SRGAP2C: variants seen among roughly 807,000 people sequenced by gnomAD.
The protein encoded by SRGAP2C is SLIT-ROBO Rho GTPase activating protein 2C.
In SRGAP2C, 15 loss-of-function variants were observed where a neutral mutation model predicts 25.1. The observed-to-expected ratio is 0.60, with a 90% CI of 0.40 to 0.92. The LOEUF is 0.92. SRGAP2C is among the 40% of genes least tolerant of loss of function. The pLI is 0.00. For missense variants in SRGAP2C, 144 were observed against 264.4 expected, an observed-to-expected ratio of 0.54 and a Z score of 3.16; for synonymous variants, 44 against 96.6, an observed-to-expected ratio of 0.46 and a Z score of 3.19.
chr1:121,217,824 A>G (rs1274675984), intron 2 of SRGAP2C, among the ~76,000 whole-genome samples: 2 of 152,298 alleles, frequency 1.3e-5, no homozygotes, highest in African/African-American at 4.8e-5. Context: ...TAGACTGACT[A>G]TAAAGGGGTC....
chr1:121,202,495 C>T (rs1465217753), intron 2 of SRGAP2C, among the ~76,000 whole-genome samples: 2 of 143,930 alleles, frequency 1.4e-5, no homozygotes, highest in East Asian at 4.0e-4. Context: ...GTGATGTTAT[C>T]TTGGCTCACT....
At chr1:121,287,543 T>C (rs1657397294) in intron 3 of SRGAP2C, among the ~76,000 whole-genome samples, 1 of 151,510 alleles carries the variant, frequency 6.6e-6, no homozygotes, top group East Asian at 1.9e-4. Context: ...ATCCTAAATT[T>C]AAAATAGCAT....
At chr1:121,320,824 A>G (rs1307052929) in intron 3 of SRGAP2C, among the ~76,000 whole-genome samples, 3 of 152,006 alleles carry the variant, frequency 2.0e-5, no homozygotes, top group Non-Finnish European at 2.9e-5. Flanking sequence ...CCCAACATGT[A>G]TAATAGGCAT....
intron 4 of SRGAP2C, among the ~76,000 whole-genome samples, 198 bp downstream of exon 4, chr1:121,324,838 TAAAAG>T (rs1410465754): frequency 6.6e-6 from 1 of 150,570 alleles, no homozygotes; most frequent in Non-Finnish European, 1.5e-5. Context: ...AAAGAAAAAA[TAAAAG>T]AAAGAATATC....
chr1:121,287,972 C>G (rs1476112609), intron 3 of SRGAP2C, among the ~76,000 whole-genome samples: 2 of 150,270 alleles, frequency 1.3e-5, no homozygotes, highest in Non-Finnish European at 3.0e-5. Flanking sequence ...AGCATGGACC[C>G]AAAAAGTGAG....
At chr1:121,206,316 T>C (rs1478326000) in intron 2 of SRGAP2C, among the ~76,000 whole-genome samples, 1 of 152,012 alleles carries the variant, frequency 6.6e-6, no homozygotes, top group Non-Finnish European at 1.5e-5. Flanking sequence ...TGTTTGCATG[T>C]GGTAGGCACC....
At chr1:121,211,400 GAT>G (rs1158479752) in intron 2 of SRGAP2C, among the ~76,000 whole-genome samples, 1 of 130,438 alleles carries the variant, frequency 7.7e-6, no homozygotes, top group African/African-American at 2.8e-5. Flanking sequence ...TTGAGAGAGA[GAT>G]ATATATATAC....
At chr1:121,211,416 TACACACACACAC>T (rs200891136) in intron 2 of SRGAP2C, among the ~76,000 whole-genome samples, 964 of 128,998 alleles carry the variant, frequency 7.5e-3, no homozygotes, top group African/African-American at 0.025. Flanking sequence ...TATATACACA[TACACACACACAC>T]ACACACACAC....
At chr1:121,185,674 C>CT in intron 1 of SRGAP2C, 1 of 214,294 alleles carries the variant, frequency 4.7e-6, no homozygotes, top group Non-Finnish European at 8.1e-6. Context: ...TCCTGACATC[C>CT]TTGCGCTTCA....
intron 4 of SRGAP2C, among the ~76,000 whole-genome samples, chr1:121,354,302 CTT>C (rs1404773761): frequency 1.6e-5 from 1 of 61,888 alleles, no homozygotes; most frequent in African/African-American, 7.7e-5. Context: ...TTCTTTCTTT[CTT>C]TCTTTCTTTC....
At chr1:121,303,418 T>C (rs1657743511) in intron 3 of SRGAP2C, among the ~76,000 whole-genome samples, 1 of 151,782 alleles carries the variant, frequency 6.6e-6, no homozygotes. Flanking sequence ...CTGTGTCTTA[T>C]TGATATGTCC....
intron 2 of SRGAP2C, among the ~76,000 whole-genome samples, chr1:121,230,745 T>A (rs587679301): frequency 6.6e-6 from 1 of 151,576 alleles, no homozygotes; most frequent in African/African-American, 2.4e-5. Flanking sequence ...CATATGTTTA[T>A]TGCAGCACTA....
intron 2 of SRGAP2C, among the ~76,000 whole-genome samples, chr1:121,239,250 ATATATATATATATATAC>A (rs1656058622): frequency 5.0e-4 from 1 of 1,982 alleles, no homozygotes; most frequent in Non-Finnish European, 6.9e-4. Flanking sequence ...TATATACTAT[ATATATATATATATATAC>A]TATATATATA....
At chr1:121,309,299 T>A (rs2101594078) in intron 3 of SRGAP2C, among the ~76,000 whole-genome samples, 1 of 129,982 alleles carries the variant, frequency 7.7e-6, no homozygotes, top group Admixed American at 8.5e-5. Context: ...ATTTATTTAT[T>A]TTTTTAAAAG....
intron 3 of SRGAP2C, among the ~76,000 whole-genome samples, chr1:121,299,562 G>C (rs1410747007): frequency 4.2e-5 from 3 of 72,070 alleles, no homozygotes; most frequent in Admixed American, 4.0e-4. Context: ...AAATGAATCG[G>C]AACAAACTAG....
chr1:121,331,288 G>A (rs1293179745), intron 4 of SRGAP2C, among the ~76,000 whole-genome samples: 1 of 14,742 alleles, frequency 6.8e-5, no homozygotes, highest in African/African-American at 3.6e-4. Flanking sequence ...AATTAGCTGG[G>A]TGGGCTGTAA....
At chr1:121,378,468 G>A (rs1427780090) in intron 7 of SRGAP2C, among the ~76,000 whole-genome samples, 1 of 150,258 alleles carries the variant, frequency 6.7e-6, no homozygotes, top group Non-Finnish European at 1.5e-5. Context: ...CACAAAGATG[G>A]GATTATCCTT....
intron 2 of SRGAP2C, among the ~76,000 whole-genome samples, chr1:121,236,673 C>T (rs587741409): frequency 8.2e-4 from 125 of 151,820 alleles, no homozygotes; most frequent in East Asian, 7.2e-3. Context: ...TCTTTCAGTT[C>T]GAGATCTTAT....
intron 4 of SRGAP2C, chr1:121,362,733 T>A (rs1456543852): frequency 6.7e-6 from 1 of 148,344 alleles, no homozygotes; most frequent in African/African-American, 2.5e-5. Context: ...TCAGAGTGAG[T>A]CATGTTGCCT....
Sources: allele counts gnomAD v4.1 joint callset (sites outside exome capture counted in the v4.1 genomes callset), GRCh38; gene constraint gnomAD v4.1.1; transcripts MANE v1.5; gene names NCBI Gene and HGNC (gene_info 2026-07-23, HGNC 2026-07-21).